Variants in DESI2 observed in about 807,000 individuals in gnomAD.
DESI2 encodes the protein desumoylating isopeptidase 2.
Under a neutral mutation model 24.1 loss-of-function variants are expected in DESI2, and 10 were observed. That is an observed-to-expected ratio of 0.41 (90% CI 0.26 to 0.70). DESI2 has a LOEUF of 0.70. Ranked by LOEUF, DESI2 falls within the 30% of genes least tolerant of loss-of-function variation. The pLI is 0.29. For synonymous variants in DESI2, 71 were observed against 87.7 expected, an observed-to-expected ratio of 0.81 and a Z score of 1.06; for missense variants, 122 against 234.9, an observed-to-expected ratio of 0.52 and a Z score of 3.14.
intron 1 of DESI2, among the ~76,000 whole-genome samples, chr1:244,661,985 A>G (rs866397334): frequency 6.6e-6 from 1 of 152,224 alleles, no homozygotes; most frequent in Non-Finnish European, 1.5e-5. Flanking sequence ...GAATTGCCAC[A>G]CTGACTTCCA....
intron 4 of DESI2, among the ~76,000 whole-genome samples, chr1:244,703,859 T>A (rs570782282): frequency 6.6e-6 from 1 of 152,052 alleles, no homozygotes; most frequent in East Asian, 1.9e-4. Flanking sequence ...GGGGTTTCAC[T>A]GTGTTAGCCA....
At chr1:244,691,721 T>C (rs1677036256) in intron 3 of DESI2, among the ~76,000 whole-genome samples, 158 bp from the exon 4 acceptor site, 1 of 152,246 alleles carries the variant, frequency 6.6e-6, no homozygotes, top group African/African-American at 2.4e-5. Context: ...TTTTAAAGTA[T>C]CTTGTTTCAC....
chr1:244,675,881 A>C (rs959028126), intron 1 of DESI2, among the ~76,000 whole-genome samples: 5 of 152,188 alleles, frequency 3.3e-5, no homozygotes, highest in African/African-American at 1.2e-4. Context: ...TAACAGTATT[A>C]AATCTTCCAG....
chr1:244,653,925 A>C, intron 1 of DESI2: 1 of 471,272 alleles, frequency 2.1e-6, no homozygotes, highest in South Asian at 1.5e-5. Context: ...AACCTCGTTA[A>C]AATATGAATG....
chr1:244,665,093 T>C (rs1346104956), intron 1 of DESI2, among the ~76,000 whole-genome samples: 1 of 152,232 alleles, frequency 6.6e-6, no homozygotes, highest in African/African-American at 2.4e-5. Context: ...TTATTAGATG[T>C]TGAATTATAC....
Position 244,694,510 on chromosome 1 carries a change from G to A in DESI2, c.351+2490G>A, listed in dbSNP as rs539379555. On this transcript the variant is annotated intron_variant, in intron 4 of 4. Coordinates refer to ENST00000302550, the MANE Select transcript of DESI2 (RefSeq NM_016076.5). ...TCACGGAATCTGTGCCTGAATCTGCGGTCTACAATTTTTAGGTGCCTCATT... is the reference window on the plus strand; with the variant it reads ...TCACGGAATCTGTGCCTGAATCTGCAGTCTACAATTTTTAGGTGCCTCATT... 3.8e-4 allele frequency: 297 copies of A among 771,616 alleles called. 2 individuals are homozygous for A. Among genetic ancestry groups the A allele is most frequent in the South Asian group, 3.6e-3 (266 of 74,766 alleles). The allele number at this position is 771,616 out of a possible 1,614,324, so 47.8% of individuals were successfully genotyped here.
intron 1 of DESI2, chr1:244,656,208 G>C (rs1037705884): frequency 6.6e-6 from 1 of 152,158 alleles, no homozygotes; most frequent in Non-Finnish European, 1.5e-5. Context: ...TATAATCATG[G>C]TTATAGGGAC....
intron 1 of DESI2, chr1:244,653,696 A>C: frequency 2.5e-6 from 1 of 396,880 alleles, no homozygotes; most frequent in South Asian, 2.5e-5. Flanking sequence ...TTCCAACCCC[A>C]CTTGCCGGCC....
chr1:244,687,073 G>A (rs1229896661), intron 2 of DESI2, among the ~76,000 whole-genome samples: 1 of 152,182 alleles, frequency 6.6e-6, no homozygotes, highest in Admixed American at 6.5e-5. Context: ...GCTAGAAAGT[G>A]TCAGACTTGA....
chr1:244,703,959 G>A (rs751262209), intron 4 of DESI2, among the ~76,000 whole-genome samples: 6 of 152,040 alleles, frequency 3.9e-5, no homozygotes, highest in African/African-American at 7.2e-5. Context: ...GCGCTGGGCC[G>A]AAATATTTTT....
intron 4 of DESI2, chr1:244,694,831 G>T (rs1277479799): frequency 1.9e-6 from 1 of 526,210 alleles, no homozygotes; most frequent in Non-Finnish European, 3.4e-6. Flanking sequence ...TGGCAGAGTT[G>T]AGTAGCTGCA....
intron 4 of DESI2, chr1:244,694,337 C>T: frequency 1.9e-6 from 1 of 527,104 alleles, no homozygotes; most frequent in Non-Finnish European, 3.6e-6. Flanking sequence ...TATATGGTGA[C>T]ATGTATAAAT....
intron 1 of DESI2, among the ~76,000 whole-genome samples, chr1:244,657,965 G>C (rs941888003): frequency 2.6e-5 from 4 of 152,162 alleles, no homozygotes; most frequent in Non-Finnish European, 5.9e-5. Context: ...TTTATGGTGA[G>C]TTGTGGGTGA....
At chr1:244,668,305 T>C (rs1676117700) in intron 1 of DESI2, among the ~76,000 whole-genome samples, 1 of 152,206 alleles carries the variant, frequency 6.6e-6, no homozygotes, top group Non-Finnish European at 1.5e-5. Flanking sequence ...TCTCAATTTT[T>C]ATCTTGGATT....
At chr1:244,682,742 A>G (rs1676662488) in intron 1 of DESI2, among the ~76,000 whole-genome samples, 1 of 151,972 alleles carries the variant, frequency 6.6e-6, no homozygotes, top group African/African-American at 2.4e-5. Context: ...TTCCAATAAA[A>G]CGTTATTTGC....
chr1:244,665,065 C>G lies in DESI2; in HGVS notation c.42+11710C>G, dbSNP rs555630559. On this transcript the variant is annotated intron_variant, in intron 1 of 4. Coordinates refer to ENST00000302550, the MANE Select transcript of DESI2 (RefSeq NM_016076.5). ...TGAAGACTGTCTGTGCTATTCATTT[C>G]TGCCTCTTCCTGCACCATTATTAGA... is the stretch of plus-strand genomic sequence containing the variant. Among the ~76,000 whole-genome samples, 433 of 152,284 alleles carry G rather than the reference C, an allele frequency of 2.8e-3. 17 individuals carry two copies. Among genetic ancestry groups the G allele is most frequent in the Admixed American group, 2.1e-3 (32 of 15,300 alleles).
chr1:244,655,240 A>G (rs182841926), intron 1 of DESI2, among the ~76,000 whole-genome samples: 42 of 152,336 alleles, frequency 2.8e-4, no homozygotes, highest in Middle Eastern at 3.4e-3. Flanking sequence ...GACAGGGGAG[A>G]GAGTAAGTGA....
chr1:244,666,290 C>G (rs1573186412), intron 1 of DESI2, among the ~76,000 whole-genome samples: 4 of 152,324 alleles, frequency 2.6e-5, no homozygotes, highest in Admixed American at 2.6e-4. Flanking sequence ...GTCCATGTCT[C>G]TATCTGAGAT....
At position 244,688,390 on chromosome 1, in the gene DESI2, A is replaced by C. The variant is rs575833502; in HGVS notation, c.116-859A>C. 3.9e-5 allele frequency among the ~76,000 whole-genome samples: 6 copies of C among 152,244 alleles called. 1 individual carries two copies. In the South Asian group the frequency reaches 1.2e-3, roughly 32 times the overall value. ...TCAAACTACATCATTGCTTTTTTTG[A>C]ACAGGTCTGAATTAAAAGTAAATTT... On this transcript the variant is annotated intron_variant, in intron 2 of 4. Coordinates refer to ENST00000302550, the MANE Select transcript of DESI2 (RefSeq NM_016076.5).
Sources: gnomAD v4.1 joint callset for allele counts (sites outside exome capture counted in the v4.1 genomes callset) on GRCh38, gnomAD v4.1.1 for gene constraint, MANE v1.5 for transcripts, NCBI Gene and HGNC (gene_info 2026-07-23, HGNC 2026-07-21) for gene names.